The following ATP10A variants were observed in gnomAD, a reference collection of about 807,000 sequenced individuals.
ATP10A encodes ATPase phospholipid transporting 10A (putative).
Under a neutral mutation model 147.8 loss-of-function variants are expected in ATP10A, and 111 were observed. That is an observed-to-expected ratio of 0.75 (90% CI 0.64 to 0.88). ATP10A has a LOEUF of 0.88. ATP10A is among the 40% of genes least tolerant of loss of function. ATP10A has a pLI of 0.00. For missense variants in ATP10A, 1,927 were observed against 1,959.0 expected (o/e 0.98, Z 0.31); for synonymous variants, 875 against 841.6 (o/e 1.04, Z -0.69).
Position 25,737,571 on chromosome 15 carries a change from G to A in ATP10A, c.655-1430C>T, listed in dbSNP as rs561122755. ...TGTGCGCAGGGGAGGTCCCAGGCAC[G>A]GGACGGCTGGCTTCCTCTGCATCCT... On this transcript the variant is annotated intron_variant, in intron 2 of 20. Coordinates refer to ENST00000555815, the MANE Select transcript of ATP10A (RefSeq NM_024490.4). Among the ~76,000 whole-genome samples, 17 of 152,198 alleles carry A rather than the reference G, an allele frequency of 1.1e-4. No homozygotes were observed. The South Asian group carries it at 1.7e-3, about 15-fold the overall frequency.
chr15:25,727,100 G>C, intron 4 of ATP10A, 60 bp downstream of exon 4: 1 of 1,208,640 alleles, frequency 8.3e-7, no homozygotes, highest in East Asian at 2.3e-5. Context: ...AACAGTGAGG[G>C]GAAGTGCTGG....
intron 2 of ATP10A, among the ~76,000 whole-genome samples, chr15:25,776,275 A>G (rs1306210652): frequency 6.6e-6 from 1 of 152,216 alleles, no homozygotes; most frequent in African/African-American, 2.4e-5. Context: ...GGTGAGAGAC[A>G]GCAGACACCC....
intron 3 of ATP10A, among the ~76,000 whole-genome samples, chr15:25,734,542 A>G (rs955401079): frequency 6.6e-6 from 1 of 152,166 alleles, no homozygotes; most frequent in African/African-American, 2.4e-5. Flanking sequence ...TGCCCTGCAC[A>G]CAAACTCTTG....
intron 1 of ATP10A, among the ~76,000 whole-genome samples, chr15:25,847,623 T>C (rs1893084811): frequency 3.7e-5 from 4 of 106,730 alleles, no homozygotes; most frequent in Middle Eastern, 4.1e-3. Flanking sequence ...TTTTTTTTTT[T>C]TTTTTTTTTT....
intron 12 of ATP10A, among the ~76,000 whole-genome samples, chr15:25,703,842 G>A (rs895968880): frequency 2.0e-5 from 3 of 152,204 alleles, no homozygotes; most frequent in Admixed American, 6.5e-5. Context: ...CTCCCATGTC[G>A]GGGATGTACT....
At chr15:25,731,133 C>A (rs1049351918) in intron 3 of ATP10A, among the ~76,000 whole-genome samples, 2 of 152,212 alleles carry the variant, frequency 1.3e-5, no homozygotes, top group East Asian at 1.9e-4. Flanking sequence ...GGCGAAGAGC[C>A]TACTCCAAAA....
rs1902407443 is a variant in ATP10A at position 25,724,102 on chromosome 15, T to C, written c.980-81A>G. ...GCTAGCGTATATTAAAGCAAAACTT[T>C]AATATTTGTTACCTGATGCAAGCAC... On this transcript the variant is annotated intron_variant, in intron 5 of 20. Coordinates refer to ENST00000555815, the MANE Select transcript of ATP10A (RefSeq NM_024490.4). 8 of 1,340,582 alleles carry C rather than the reference T, an allele frequency of 6.0e-6. No individual in the cohort carries two copies. The East Asian group carries it at 2.1e-4, about 36-fold the overall frequency. The allele number at this position is 1,340,582 out of a possible 1,614,324, so 83.0% of individuals were successfully genotyped here.
At chr15:25,860,327 G>A (rs775778248) in intron 1 of ATP10A, among the ~76,000 whole-genome samples, 8 of 152,096 alleles carry the variant, frequency 5.3e-5, no homozygotes, top group African/African-American at 7.2e-5. Context: ...GGGACGCCTC[G>A]CCAGACATGG....
At chr15:25,781,617 T>C (rs2140709525) in intron 1 of ATP10A, among the ~76,000 whole-genome samples, 1 of 151,570 alleles carries the variant, frequency 6.6e-6, no homozygotes, top group South Asian at 2.1e-4. Flanking sequence ...ATCACACTAC[T>C]GCACTCCAGC....
At chr15:25,786,617 C>CTTTTTTTTTTTT (rs35892408) in intron 1 of ATP10A, among the ~76,000 whole-genome samples, 1 of 68,868 alleles carries the variant, frequency 1.5e-5, no homozygotes, top group African/African-American at 6.3e-5. Context: ...TCATTATCAT[C>CTTTTTTTTTTTT]TTTTTTTTTT....
intron 1 of ATP10A, among the ~76,000 whole-genome samples, chr15:25,786,900 G>T (rs943172652): frequency 6.7e-4 from 102 of 151,526 alleles, no homozygotes; most frequent in Non-Finnish European, 1.5e-4. Flanking sequence ...CTCCCAAAGT[G>T]CTGGGATTAC....
upstream of ATP10A, among the ~76,000 whole-genome samples, chr15:25,864,755 G>A (rs867698047): frequency 5.3e-5 from 8 of 152,150 alleles, no homozygotes; most frequent in African/African-American, 1.9e-4. Flanking sequence ...AAACCCAAAC[G>A]GAGCATCAAC....
intron 2 of ATP10A, among the ~76,000 whole-genome samples, chr15:25,752,897 A>C (rs1888227852): frequency 1.3e-5 from 2 of 152,048 alleles, no homozygotes; most frequent in South Asian, 4.1e-4. Flanking sequence ...AATTTCTTCC[A>C]GGTATTTTAT....
intron 3 of ATP10A, among the ~76,000 whole-genome samples, chr15:25,733,712 C>A (rs1887097111): frequency 6.6e-6 from 1 of 152,216 alleles, no homozygotes; most frequent in Non-Finnish European, 1.5e-5. Flanking sequence ...TGGGCGCACA[C>A]TGGCCCAGAT....
At chr15:25,746,025 T>C (rs919949962) in intron 2 of ATP10A, among the ~76,000 whole-genome samples, 8 of 152,106 alleles carry the variant, frequency 5.3e-5, no homozygotes, top group South Asian at 2.1e-4. Context: ...AATATACCAG[T>C]AGTAACTTTA....
At chr15:25,793,910 G>A (rs934532234) in intron 1 of ATP10A, among the ~76,000 whole-genome samples, 13 of 152,170 alleles carry the variant, frequency 8.5e-5, no homozygotes, top group African/African-American at 1.7e-4. Flanking sequence ...AGGGTTCTCC[G>A]ATGCCCCACC....
intron 1 of ATP10A, among the ~76,000 whole-genome samples, chr15:25,847,176 A>G (rs536474464): frequency 2.0e-5 from 3 of 152,270 alleles, no homozygotes; most frequent in East Asian, 3.9e-4. Flanking sequence ...GATCTCATCC[A>G]CACACATCAA....
At chr15:25,796,726 G>A (rs552831899) in intron 1 of ATP10A, among the ~76,000 whole-genome samples, 3 of 152,320 alleles carry the variant, frequency 2.0e-5, no homozygotes, top group East Asian at 3.9e-4. Context: ...GGAACCTGCC[G>A]GATATCCCTC....
intron 2 of ATP10A, among the ~76,000 whole-genome samples, chr15:25,753,568 G>A (rs952634468): frequency 3.0e-4 from 45 of 150,574 alleles, no homozygotes; most frequent in African/African-American, 1.1e-3. Flanking sequence ...CCCCCCACAA[G>A]TCACTCTTAA....
Sources: allele counts gnomAD v4.1 joint callset (sites outside exome capture counted in the v4.1 genomes callset), GRCh38; gene constraint gnomAD v4.1.1; transcripts MANE v1.5; gene names NCBI Gene and HGNC (gene_info 2026-07-23, HGNC 2026-07-21).